Variants in TAFA5 observed in about 807,000 individuals in gnomAD.
TAFA5 encodes the protein chemokine-like protein TAFA-5.
Under a neutral mutation model 15.3 loss-of-function variants are expected in TAFA5, and 6 were observed. That is an observed-to-expected ratio of 0.39 (90% CI 0.21 to 0.77). The LOEUF is 0.77. TAFA5 is among the 30% of genes least tolerant of loss of function. The pLI is 0.41. For missense variants in TAFA5, 161 were observed against 193.1 expected, an observed-to-expected ratio of 0.83 and a Z score of 0.98; for synonymous variants, 103 against 80.7, an observed-to-expected ratio of 1.28 and a Z score of -1.48.
intron 3 of TAFA5, among the ~76,000 whole-genome samples, chr22:48,722,153 C>G (rs934819003): frequency 3.9e-5 from 6 of 152,208 alleles, no homozygotes; most frequent in Non-Finnish European, 8.8e-5. Flanking sequence ...TACACTCCCA[C>G]CAACAGTGTA....
rs547996857 is a variant in TAFA5 at position 48,616,890 on chromosome 22, C to T, written c.113-29707C>T. ...ACGGCTGGGGTGGGAGCGTCTTGTC[C>T]GAGAGAGGCCTTCTATGGGTGTCCA... On this transcript the variant is annotated intron_variant, in intron 1 of 3. Coordinates refer to ENST00000402357, the MANE Select transcript of TAFA5 (RefSeq NM_001082967.3). Among the ~76,000 whole-genome samples, 9 of 152,218 alleles carry T rather than the reference C, an allele frequency of 5.9e-5. No homozygotes were observed. The East Asian group carries it at 1.5e-3, about 26-fold the overall frequency.
At chr22:48,708,536 TGCAGAGGG>T (rs1466072604) in intron 3 of TAFA5, among the ~76,000 whole-genome samples, 1 of 152,172 alleles carries the variant, frequency 6.6e-6, no homozygotes, top group Non-Finnish European at 1.5e-5. Context: ...CGGTTTCCCC[TGCAGAGGG>T]GCAGAGGAGG....
intron 1 of TAFA5, among the ~76,000 whole-genome samples, chr22:48,588,208 G>A (rs896174496): frequency 5.3e-5 from 8 of 152,242 alleles, no homozygotes; most frequent in South Asian, 2.1e-4. Context: ...GCACAGGTGC[G>A]TCTGGTGAGA....
intron 1 of TAFA5, among the ~76,000 whole-genome samples, chr22:48,617,842 C>T (rs998252319): frequency 2.5e-5 from 1 of 40,598 alleles, no homozygotes; most frequent in African/African-American, 1.5e-4. Context: ...CCACCCCCTG[C>T]CTGGAGGTGC....
chr22:48,560,115 G>A lies in TAFA5; in HGVS notation c.112+70411G>A, dbSNP rs1050317482. On this transcript the variant is annotated intron_variant, in intron 1 of 3. Coordinates refer to ENST00000402357, the MANE Select transcript of TAFA5 (RefSeq NM_001082967.3). This position sits in a 1 kb window ranked among gnomAD's most constrained non-coding sequence, Gnocchi z 4.2. Reference sequence around the variant, plus strand: ...CAGCATAGGATTTGGGGACCTCCACGTGCCGTCCCATGGGAAAGCCGAGTC... The same window carrying A: ...CAGCATAGGATTTGGGGACCTCCACATGCCGTCCCATGGGAAAGCCGAGTC... Among the ~76,000 whole-genome samples, 2 of 152,194 alleles carry A rather than the reference G, an allele frequency of 1.3e-5. No individual in the cohort carries two copies. The highest frequency in any genetic ancestry group is 2.4e-5 in the African/African-American group (1 of 41,450).
At chr22:48,693,386 G>C in intron 2 of TAFA5, 1 of 1,612,638 alleles carries the variant, frequency 6.2e-7, no homozygotes, top group Non-Finnish European at 8.5e-7. Context: ...GGCCAGGTGA[G>C]TCGGAGATCC....
chr22:48,498,704 A>G (rs1920937902), intron 1 of TAFA5, among the ~76,000 whole-genome samples: 1 of 151,968 alleles, frequency 6.6e-6, no homozygotes, highest in South Asian at 2.1e-4. Flanking sequence ...CTTTGCGAGC[A>G]CCCCGGCCAC....
chr22:48,600,439 G>A (rs1406537057), intron 1 of TAFA5, among the ~76,000 whole-genome samples: 1 of 152,196 alleles, frequency 6.6e-6, no homozygotes, highest in African/African-American at 2.4e-5. Flanking sequence ...AGCCCTTGTG[G>A]CCACACGGGC....
chr22:48,644,071 C>T (rs1477677351), intron 1 of TAFA5, among the ~76,000 whole-genome samples: 1 of 152,246 alleles, frequency 6.6e-6, no homozygotes, highest in Non-Finnish European at 1.5e-5. Context: ...GAAGCAGCAC[C>T]TCATCCTCCC....
At chr22:48,704,290 T>C (rs6010594) in intron 2 of TAFA5, among the ~76,000 whole-genome samples, 50,223 of 152,004 alleles carry the variant, frequency 0.33, 8,643 homozygotes, top group East Asian at 0.61. Context: ...TACTGGGGCA[T>C]GTGTGTTTCA....
intron 2 of TAFA5, among the ~76,000 whole-genome samples, chr22:48,662,605 C>T (rs1203635802): frequency 6.6e-6 from 1 of 152,182 alleles, no homozygotes; most frequent in African/African-American, 2.4e-5. Flanking sequence ...CCCAGGAGGC[C>T]CCAGGCACAC....
chr22:48,605,156 G>A (rs2147168272), intron 1 of TAFA5, among the ~76,000 whole-genome samples: 1 of 38,904 alleles, frequency 2.6e-5, no homozygotes, highest in Non-Finnish European at 5.4e-5. Context: ...GATGGTTATG[G>A]TGGTTATGAT....
At chr22:48,599,405 C>T (rs533559727) in intron 1 of TAFA5, among the ~76,000 whole-genome samples, 8 of 152,372 alleles carry the variant, frequency 5.3e-5, no homozygotes, top group Non-Finnish European at 1.2e-4. Flanking sequence ...TGCTTCGCAT[C>T]GTTTGGGCCA....
At chr22:48,670,159 A>G (rs949622577) in intron 2 of TAFA5, among the ~76,000 whole-genome samples, 6 of 152,210 alleles carry the variant, frequency 3.9e-5, no homozygotes, top group Non-Finnish European at 8.8e-5. Flanking sequence ...GCGTGTGCTT[A>G]GGGGCTGGCC....
chr22:48,661,319 G>A (rs1169161331), intron 2 of TAFA5, among the ~76,000 whole-genome samples: 1 of 152,134 alleles, frequency 6.6e-6, no homozygotes, highest in Non-Finnish European at 1.5e-5. Flanking sequence ...CCTTGCCCCA[G>A]CCCTCTCTCC....
chr22:48,582,493 A>C (rs1258079694), intron 1 of TAFA5, among the ~76,000 whole-genome samples: 5 of 151,494 alleles, frequency 3.3e-5, no homozygotes, highest in Admixed American at 1.3e-4. Context: ...ACCACACACC[A>C]CACACAAAAT....
intron 1 of TAFA5, among the ~76,000 whole-genome samples, chr22:48,509,569 A>G (rs1359752603): frequency 6.6e-6 from 1 of 152,196 alleles, no homozygotes; most frequent in East Asian, 1.9e-4. Flanking sequence ...TCTGGTGATT[A>G]GTGATGTGGG....
At chr22:48,625,157 C>T (rs1363034071) in intron 1 of TAFA5, among the ~76,000 whole-genome samples, 1 of 151,542 alleles carries the variant, frequency 6.6e-6, no homozygotes, top group African/African-American at 2.4e-5. Flanking sequence ...AAACCTTGGT[C>T]TTGGTGTCCA....
At chr22:48,732,530 C>G (rs938918577) in intron 3 of TAFA5, among the ~76,000 whole-genome samples, 1 of 152,314 alleles carries the variant, frequency 6.6e-6, no homozygotes, top group East Asian at 1.9e-4. Flanking sequence ...TGCTGGATTA[C>G]AGGCGTGAGC....
Sources: gnomAD v4.1 joint callset for allele counts (sites outside exome capture counted in the v4.1 genomes callset) on GRCh38, gnomAD v4.1.1 for gene constraint, Gnocchi (gnomAD v3.1) non-coding constraint, MANE v1.5 for transcripts, NCBI Gene and HGNC (gene_info 2026-07-23, HGNC 2026-07-21) for gene names.